UGGT2: variants seen among roughly 807,000 people sequenced by gnomAD.
UGGT2 encodes UDP-glucose glycoprotein glucosyltransferase 2.
Under a neutral mutation model 192.1 loss-of-function variants are expected in UGGT2, and 180 were observed. The ratio of observed to expected loss-of-function variants is 0.94; its 90% CI spans 0.83 to 1.06. UGGT2 has a LOEUF of 1.06. Ranked by LOEUF, UGGT2 falls within the 50% of genes least tolerant of loss-of-function variation. The pLI is 0.00. For missense variants in UGGT2, 1,849 were observed against 1,795.7 expected, an observed-to-expected ratio of 1.03 and a Z score of -0.54; for synonymous variants, 580 against 591.0, an observed-to-expected ratio of 0.98 and a Z score of 0.27.
At chr13:95,895,693 C>T (rs2047926820) in intron 22 of UGGT2, among the ~76,000 whole-genome samples, 1 of 151,932 alleles carries the variant, frequency 6.6e-6, no homozygotes, top group Admixed American at 6.6e-5. Flanking sequence ...AAGCAATGGT[C>T]TATATTTTTA....
rs570135390 is a variant in UGGT2 at position 95,892,363 on chromosome 13, TAAC to T, written c.2856-1402_2856-1400del. Reference sequence around the variant, plus strand: ...GAACATCCTATTTCTCATGCAATATTAACAACAAGATGCTAACTACCACCTATT... The same window carrying T: ...GAACATCCTATTTCTCATGCAATATTAACAAGATGCTAACTACCACCTATT... On this transcript the variant is annotated intron_variant, in intron 24 of 38. Transcript: ENST00000376747. 7.9e-4 allele frequency among the ~76,000 whole-genome samples: 120 copies of T among 152,222 alleles called. 2 individuals are homozygous for T. Among genetic ancestry groups the T allele is most frequent in the East Asian group, 3.7e-3 (19 of 5,178 alleles).
intron 36 of UGGT2, among the ~76,000 whole-genome samples, chr13:95,846,012 C>T (rs961271884): frequency 1.3e-5 from 2 of 152,076 alleles, no homozygotes; most frequent in African/African-American, 4.8e-5. Context: ...TCCTCACTTC[C>T]TAGACGGGGT....
chr13:95,986,406 T>C lies in UGGT2; in HGVS notation c.958A>G (p.Ile320Val), dbSNP rs550795432. 1.9e-6 allele frequency: 3 copies of C among 1,602,326 alleles called. No individual in the cohort carries two copies. The East Asian group carries it at 6.7e-5, about 36-fold the overall frequency. ...QDLSFQAASQIMSAPVYDSIK... is the reference protein window; with the variant it reads ...QDLSFQAASQVMSAPVYDSIK... ...GAATCATAAACTGGAGCGGACATTA[T>C]TTGAGAAGCTGCTTGAAAACTAAGA... The change falls in exon 9 of 39, where the codon ATA becomes GTA. Residue 320 changes from isoleucine (I) to valine (V), a missense_variant. Physicochemically the swap from Ile to Val is conservative, Grantham distance 29. Coordinates refer to ENST00000376747, the MANE Select transcript of UGGT2 (RefSeq NM_020121.4).
At chr13:95,828,719 C>G (rs1886317971) in intron 38 of UGGT2, among the ~76,000 whole-genome samples, 1 of 152,096 alleles carries the variant, frequency 6.6e-6, no homozygotes, top group Admixed American at 6.6e-5. Context: ...GACGGATTCA[C>G]AGTCCTATTC....
chr13:95,920,876 A>T (rs895165399), intron 20 of UGGT2, among the ~76,000 whole-genome samples: 1 of 152,220 alleles, frequency 6.6e-6, no homozygotes, highest in Non-Finnish European at 1.5e-5. Flanking sequence ...GTTAAATATT[A>T]TAAGGATACA....
intron 20 of UGGT2, among the ~76,000 whole-genome samples, chr13:95,907,859 C>G (rs1016622725): frequency 1.3e-5 from 2 of 152,186 alleles, no homozygotes; most frequent in African/African-American, 4.8e-5. Context: ...GATCGCAGCT[C>G]CTCGCCAGCA....
Position 95,873,409 on chromosome 13 carries a change from A to AGCATAGGTTGCT in UGGT2, c.3473+3858_3473+3869dup, listed in dbSNP as rs1348039188. On this transcript the variant is annotated intron_variant, in intron 29 of 38. Coordinates refer to ENST00000376747, the MANE Select transcript of UGGT2 (RefSeq NM_020121.4). ...TGTAATGGGAATGACACAGCAAGGT[A>AGCATAGGTTGCT]GCATAGGTTGCTGCATAGGCATTAG... Among the ~76,000 whole-genome samples, 58 of 152,214 alleles carry AGCATAGGTTGCT rather than the reference A, an allele frequency of 3.8e-4. 1 individual carries two copies. The highest frequency in any genetic ancestry group is 1.4e-3 in the African/African-American group (56 of 41,460).
chr13:95,895,142 A>G, intron 23 of UGGT2, 38 bp downstream of exon 23: 1 of 1,543,076 alleles, frequency 6.5e-7, no homozygotes, highest in Non-Finnish European at 8.6e-7. Context: ...CAAAATACCA[A>G]ACCCAAAATG....
At chr13:95,834,930 C>T (rs1164553856) in intron 37 of UGGT2, among the ~76,000 whole-genome samples, 4 of 151,962 alleles carry the variant, frequency 2.6e-5, no homozygotes, top group Non-Finnish European at 4.4e-5. Flanking sequence ...TGGGTTTTTT[C>T]ACTAGAAAAA....
intron 38 of UGGT2, among the ~76,000 whole-genome samples, chr13:95,815,994 G>A (rs575540476): frequency 2.6e-5 from 4 of 152,154 alleles, no homozygotes; most frequent in Non-Finnish European, 4.4e-5. Context: ...CTTCTCTCTC[G>A]TGGTCCTGTT....
chr13:95,853,491 G>A, intron 36 of UGGT2, 52 bp downstream of exon 36: 1 of 1,439,682 alleles, frequency 6.9e-7, no homozygotes. Flanking sequence ...GCACGGAGTT[G>A]GAACAGTCTA....
At chr13:95,856,420 G>T (rs557245601) in intron 33 of UGGT2, 80 bp from the exon 34 acceptor site, 1 of 1,464,120 alleles carries the variant, frequency 6.8e-7, no homozygotes, top group East Asian at 2.3e-5. Flanking sequence ...ACATTAAAAA[G>T]GTAAAGCTTC....
intron 29 of UGGT2, among the ~76,000 whole-genome samples, chr13:95,870,277 T>G (rs1891106887): frequency 6.6e-6 from 1 of 152,196 alleles, no homozygotes; most frequent in Non-Finnish European, 1.5e-5. Flanking sequence ...ACTGCAGTAG[T>G]TAGAAAGATA....
intron 1 of UGGT2, among the ~76,000 whole-genome samples, chr13:96,042,681 A>G (rs998994748): frequency 1.3e-5 from 2 of 152,262 alleles, no homozygotes; most frequent in East Asian, 3.9e-4. Context: ...AAAACAATCA[A>G]AACTTCAGGA....
intron 7 of UGGT2, among the ~76,000 whole-genome samples, chr13:95,993,629 A>C (rs1343270683): frequency 6.6e-6 from 1 of 152,134 alleles, no homozygotes. Context: ...AGGCCACTAG[A>C]GTATACTGAC....
intron 38 of UGGT2, among the ~76,000 whole-genome samples, chr13:95,819,773 T>C (rs1885303253): frequency 6.6e-6 from 1 of 152,162 alleles, no homozygotes; most frequent in African/African-American, 2.4e-5. Context: ...TATACAACTC[T>C]TAGGTCAAAG....
intron 25 of UGGT2, 23 bp from the exon 26 acceptor site, chr13:95,887,994 T>C (rs761959045): frequency 2.7e-5 from 40 of 1,496,848 alleles, no homozygotes; most frequent in Admixed American, 5.3e-5. Context: ...AATTCCCATG[T>C]TTGATATTAA....
intron 10 of UGGT2, among the ~76,000 whole-genome samples, chr13:95,974,643 A>C (rs898530707): frequency 6.6e-6 from 1 of 152,196 alleles, no homozygotes; most frequent in African/African-American, 2.4e-5. Flanking sequence ...AGTTACCCTT[A>C]AGTCCTGAAA....
At chr13:95,990,223 T>C in intron 7 of UGGT2, 150 bp from the exon 8 acceptor site, 1 of 442,196 alleles carries the variant, frequency 2.3e-6, no homozygotes. Context: ...TACAGCTATA[T>C]TCACGGAACT....
Sources: gnomAD v4.1 joint callset for allele counts (sites outside exome capture counted in the v4.1 genomes callset) on GRCh38, gnomAD v4.1.1 for gene constraint, MANE v1.5 for transcripts, NCBI Gene and HGNC (gene_info 2026-07-23, HGNC 2026-07-21) for gene names.